Variants in SKIC2 observed in about 807,000 individuals in gnomAD.
SKIC2 encodes the protein SKI2 subunit of superkiller complex, also known as superkiller complex protein 2.
At chr6:31,963,167 C>T in the SKIC2 span, 1 of 1,096,300 alleles carries the variant, frequency 9.1e-7, no homozygotes, top group Non-Finnish European at 1.4e-6. This position sits in a 1 kb window ranked among gnomAD's most constrained non-coding sequence, Gnocchi z 5.3. Context: ...ACTAAGTCTA[C>T]CACAGCAAGG....
the SKIC2 span, chr6:31,963,774 T>C: frequency 3.9e-6 from 6 of 1,525,196 alleles, no homozygotes; most frequent in Non-Finnish European, 4.4e-6. This position sits in a 1 kb window ranked among gnomAD's most constrained non-coding sequence, Gnocchi z 5.3. Context: ...GCACCTGTTT[T>C]TCCTCCTATC....
At chr6:31,963,537 C>T in the SKIC2 span, 23 of 1,593,470 alleles carry the variant, frequency 1.4e-5, no homozygotes, top group East Asian at 2.2e-5. The surrounding 1 kb of genome is among the most constrained non-coding windows in gnomAD (Gnocchi z 5.3). Flanking sequence ...GCTGGACTCC[C>T]GAGGAGCCTT....
At chr6:31,960,279 C>T in the SKIC2 span, 1 of 1,613,334 alleles carries the variant, frequency 6.2e-7, no homozygotes, top group Non-Finnish European at 8.5e-7. Flanking sequence ...GCCCCAGTCC[C>T]ATCCGACCTA....
the SKIC2 span, chr6:31,966,865 C>T: frequency 6.2e-7 from 1 of 1,614,068 alleles, no homozygotes; most frequent in Non-Finnish European, 8.5e-7. The surrounding 1 kb of genome is among the most constrained non-coding windows in gnomAD (Gnocchi z 5.9). Context: ...CCTGGGGTAA[C>T]CAGTGTGTGG....
At chr6:31,961,585 GCCT>G in the SKIC2 span, 1 of 1,612,946 alleles carries the variant, frequency 6.2e-7, no homozygotes, top group Admixed American at 1.7e-5. Flanking sequence ...AGGCCCCAGA[GCCT>G]CCATCTCAGG....
At chr6:31,963,408 T>C in the SKIC2 span, 1 of 1,550,940 alleles carries the variant, frequency 6.4e-7, no homozygotes. This position sits in a 1 kb window ranked among gnomAD's most constrained non-coding sequence, Gnocchi z 5.3. Context: ...CTCTCCTTTC[T>C]TCAGGCGGCT....
the SKIC2 span, chr6:31,960,605 TC>T: frequency 6.3e-7 from 1 of 1,578,232 alleles, no homozygotes; most frequent in South Asian, 1.1e-5. Flanking sequence ...AGGGAAGGGT[TC>T]CCCACCTATC....
the SKIC2 span, among the ~76,000 whole-genome samples, chr6:31,964,872 C>G: frequency 7.9e-5 from 12 of 152,192 alleles, no homozygotes; most frequent in Non-Finnish European, 7.3e-5. The surrounding 1 kb of genome is among the most constrained non-coding windows in gnomAD (Gnocchi z 5.0). Flanking sequence ...GTAATCCCAG[C>G]ACTTTGGGAG....
chr6:31,969,517 C>G, the SKIC2 span: 1 of 1,613,328 alleles, frequency 6.2e-7, no homozygotes. The surrounding 1 kb of genome is among the most constrained non-coding windows in gnomAD (Gnocchi z 6.1). Context: ...CCCCACAGCC[C>G]TTCTCCGAGT....
chr6:31,959,245 G>A, the SKIC2 span: 797 of 1,609,176 alleles, frequency 5.0e-4, 6 homozygotes, highest in Middle Eastern at 9.0e-3. Context: ...ATGGAACGGA[G>A]TAGCCGATAT....
At chr6:31,966,586 G>T in the SKIC2 span, 1 of 989,660 alleles carries the variant, frequency 1.0e-6, no homozygotes, top group Non-Finnish European at 1.5e-6. The surrounding 1 kb of genome is among the most constrained non-coding windows in gnomAD (Gnocchi z 5.9). Context: ...CAAGTGGTTT[G>T]TCCAAGGCCC....
the SKIC2 span, chr6:31,964,443 G>A: frequency 3.5e-6 from 3 of 848,624 alleles, no homozygotes; most frequent in East Asian, 8.0e-5. The surrounding 1 kb of genome is among the most constrained non-coding windows in gnomAD (Gnocchi z 5.0). Context: ...CCAGTGCTGT[G>A]GTTAAGAATC....
the SKIC2 span, among the ~76,000 whole-genome samples, chr6:31,966,344 A>C: frequency 6.6e-6 from 1 of 151,750 alleles, no homozygotes. The surrounding 1 kb of genome is among the most constrained non-coding windows in gnomAD (Gnocchi z 5.9). Context: ...GGGCTCAAGC[A>C]GTCTGTCTGC....
At chr6:31,963,414 C>T in the SKIC2 span, 20 of 1,555,742 alleles carry the variant, frequency 1.3e-5, no homozygotes, top group Middle Eastern at 1.7e-4. This position sits in a 1 kb window ranked among gnomAD's most constrained non-coding sequence, Gnocchi z 5.3. Context: ...TTTCTTCAGG[C>T]GGCTGAAGCG....
chr6:31,967,222 C>T, the SKIC2 span: 1 of 1,608,454 alleles, frequency 6.2e-7, no homozygotes, highest in South Asian at 1.1e-5. This position sits in a 1 kb window ranked among gnomAD's most constrained non-coding sequence, Gnocchi z 4.9. Flanking sequence ...TAAACTTAGT[C>T]CAAGTGTCTG....
At chr6:31,965,726 C>T in the SKIC2 span, 1 of 1,073,608 alleles carries the variant, frequency 9.3e-7, no homozygotes, top group South Asian at 1.3e-5. This position sits in a 1 kb window ranked among gnomAD's most constrained non-coding sequence, Gnocchi z 5.6. Context: ...TTGGCCAGGG[C>T]TGGGGGTGTG....
the SKIC2 span, chr6:31,967,645 G>A: frequency 6.5e-7 from 1 of 1,546,844 alleles, no homozygotes; most frequent in Non-Finnish European, 8.9e-7. This position sits in a 1 kb window ranked among gnomAD's most constrained non-coding sequence, Gnocchi z 4.9. Context: ...CCCAAGGGTG[G>A]GTATCTGGTC....
chr6:31,964,573 T>C, the SKIC2 span, among the ~76,000 whole-genome samples: 4 of 152,314 alleles, frequency 2.6e-5, no homozygotes, highest in African/African-American at 9.6e-5. This position sits in a 1 kb window ranked among gnomAD's most constrained non-coding sequence, Gnocchi z 5.0. Context: ...AAAATGGGGA[T>C]GCATAAGATA....
At chr6:31,959,906 G>A in the SKIC2 span, 1 of 823,320 alleles carries the variant, frequency 1.2e-6, no homozygotes, top group Non-Finnish European at 2.0e-6. Context: ...TAGTCTGTTT[G>A]ACACATCTGC....
Sources: allele counts gnomAD v4.1 joint callset (sites outside exome capture counted in the v4.1 genomes callset), GRCh38; gene constraint gnomAD v4.1.1; non-coding constraint Gnocchi (gnomAD v3.1); transcripts MANE v1.5; gene names NCBI Gene and HGNC (gene_info 2026-07-23, HGNC 2026-07-21).